The following THSD4 variants were observed in gnomAD, a reference collection of about 807,000 sequenced individuals.
THSD4 encodes the protein thrombospondin type-1 domain-containing protein 4.
In THSD4, 69 loss-of-function variants were observed where a neutral mutation model predicts 119.0. The ratio of observed to expected loss-of-function variants is 0.58; its 90% CI spans 0.48 to 0.71. The LOEUF is 0.71. THSD4 is among the 30% of genes least tolerant of loss of function. The pLI, the probability that THSD4 is intolerant of heterozygous loss-of-function variation, is 0.00. For missense variants in THSD4, 1,393 were observed against 1,391.1 expected (o/e 1.00, Z -0.02); for synonymous variants, 524 against 540.4 (o/e 0.97, Z 0.42).
chr15:71,591,663 G>A (rs2049808866), intron 7 of THSD4, among the ~76,000 whole-genome samples: 1 of 151,894 alleles, frequency 6.6e-6, no homozygotes, highest in African/African-American at 2.4e-5. Flanking sequence ...ATGAGGCCCA[G>A]TGTAACCTTC....
In THSD4 at chr15:71,327,959, G is replaced by A. The variant is rs368344438; in HGVS notation, c.1015+71244G>A. Among the ~76,000 whole-genome samples the A allele has an allele frequency of 1.2e-3, 182 of 152,316 alleles. 10 individuals carry two copies. The South Asian group carries it at 0.037, about 31-fold the overall frequency. On this transcript the variant is annotated intron_variant, in intron 6 of 17. Transcript: ENST00000261862. ...TGATTTTTCAATTAAACATACTGTA[G>A]CAATGATGGCCTCTTTTCCCACAAA...
At chr15:71,335,363 C>G (rs1361270524) in intron 6 of THSD4, among the ~76,000 whole-genome samples, 1 of 151,962 alleles carries the variant, frequency 6.6e-6, no homozygotes, top group Non-Finnish European at 1.5e-5. Flanking sequence ...AACCAAGTAC[C>G]CCCTAACCTC....
chr15:71,280,722 G>A (rs2044641588), intron 6 of THSD4, among the ~76,000 whole-genome samples: 1 of 151,716 alleles, frequency 6.6e-6, no homozygotes, highest in South Asian at 2.1e-4. Context: ...GCCCTGTTCT[G>A]TCTTTCATGG....
In THSD4 at chr15:71,604,828, CAAAAA is replaced by C. The variant is rs138151805; in HGVS notation, c.1153-55696_1153-55692del. On this transcript the variant is annotated intron_variant, in intron 7 of 17. Transcript: ENST00000261862. ...CCAAAAGTGAAAACAAAAACAAAAA[CAAAAA>C]AAAAACCTGTCAACATAGAATTCTA... 6.8e-5 allele frequency among the ~76,000 whole-genome samples: 10 copies of C among 146,070 alleles called. No individual in the cohort carries two copies. In the East Asian group the frequency reaches 1.6e-3, roughly 24 times the overall value.
chr15:71,599,938 T>A (rs2049975343), intron 7 of THSD4, among the ~76,000 whole-genome samples: 1 of 152,182 alleles, frequency 6.6e-6, no homozygotes, highest in Non-Finnish European at 1.5e-5. Flanking sequence ...ACACTTTGGC[T>A]CTCTGTTTGA....
Position 71,150,075 on chromosome 15 carries a change from C to T in THSD4, c.30-4788C>T, listed in dbSNP as rs142010624. ...AAGTCTTGGTAGGAATGTAGCTTCC[C>T]CCACGCCACTTGGAAAGGAGTGTGG... On this transcript the variant is annotated intron_variant, in intron 2 of 17. Transcript: ENST00000261862. Among the ~76,000 whole-genome samples, 790 of 152,096 alleles carry T rather than the reference C, an allele frequency of 5.2e-3. 8 individuals carry two copies. Among genetic ancestry groups the T allele is most frequent in the Non-Finnish European group, 8.6e-3 (583 of 67,990 alleles).
intron 8 of THSD4, among the ~76,000 whole-genome samples, chr15:71,678,900 G>A (rs949842300): frequency 6.6e-6 from 1 of 152,014 alleles, no homozygotes; most frequent in Admixed American, 6.6e-5. Flanking sequence ...TTATAGTCAC[G>A]CCTATATTTG....
At chr15:71,592,329 C>T (rs538264709) in intron 7 of THSD4, among the ~76,000 whole-genome samples, 13 of 152,296 alleles carry the variant, frequency 8.5e-5, no homozygotes, top group East Asian at 1.9e-4. Context: ...AGCTGCAGGA[C>T]GCAGTGGCAG....
Position 71,215,298 on chromosome 15 carries a change from G to C in THSD4, c.363G>C (p.Thr121=). The change falls in exon 4 of 18, where the codon ACG becomes ACC. Residue 121 remains threonine, a synonymous_variant. Transcript: ENST00000261862. ...CACTGCACCGGAGCCGCGACGAGAC[G>C]CCAGCGCTGGCCGGTACGGACGCCA... ...SVPLHRSRDE[T]PALAGTDASR... 6.6e-7 allele frequency: 1 copy of C among 1,524,268 alleles called. No individual in the cohort carries two copies. Among genetic ancestry groups the C allele is most frequent in the East Asian group, 2.5e-5 (1 of 39,446 alleles). 94.4% of individuals were successfully genotyped at this position (1,524,268 alleles called of 1,614,324 possible). A position where few individuals can be genotyped will look rare whatever the true frequency, so the allele number is the denominator to read the frequency against.
chr15:71,598,457 C>G (rs34988639), intron 7 of THSD4, among the ~76,000 whole-genome samples: 15 of 151,878 alleles, frequency 9.9e-5, no homozygotes, highest in African/African-American at 3.6e-4. Context: ...TGCTAGAGGA[C>G]TCATTGTAAA....
At chr15:71,431,834 A>C (rs1456919474) in intron 7 of THSD4, among the ~76,000 whole-genome samples, 1 of 152,220 alleles carries the variant, frequency 6.6e-6, no homozygotes, top group Non-Finnish European at 1.5e-5. Flanking sequence ...ATAGCCTATA[A>C]TTTATGTGAT....
chr15:71,316,372 A>T (rs1053584593), intron 6 of THSD4, among the ~76,000 whole-genome samples: 4 of 152,158 alleles, frequency 2.6e-5, no homozygotes, highest in African/African-American at 9.7e-5. Flanking sequence ...GGGTTACATT[A>T]AGACGATACT....
At chr15:71,411,137 G>C (rs762483377) in intron 6 of THSD4, among the ~76,000 whole-genome samples, 1 of 152,120 alleles carries the variant, frequency 6.6e-6, no homozygotes, top group Non-Finnish European at 1.5e-5. Context: ...TTGCACCAAC[G>C]TAATTAATTA....
At chr15:71,240,838 C>CACACACACACAT (rs374887677) in intron 4 of THSD4, among the ~76,000 whole-genome samples, 4 of 137,056 alleles carry the variant, frequency 2.9e-5, no homozygotes, top group Non-Finnish European at 4.7e-5. Context: ...CACACACACA[C>CACACACACACAT]ATATATACAT....
chr15:71,412,855 G>T (rs2046708308), intron 7 of THSD4, among the ~76,000 whole-genome samples: 1 of 152,106 alleles, frequency 6.6e-6, no homozygotes, highest in Non-Finnish European at 1.5e-5. Flanking sequence ...AGTACATAAT[G>T]GATGTATATA....
At chr15:71,729,458 C>G (rs1040984125) in intron 9 of THSD4, 1 of 152,144 alleles carries the variant, frequency 6.6e-6, no homozygotes, top group African/African-American at 2.4e-5. Flanking sequence ...TTATTTCTGT[C>G]CCCAAAGCTG....
upstream of THSD4, chr15:71,112,198 A>G (rs1038135026): frequency 5.6e-6 from 9 of 1,613,592 alleles, no homozygotes; most frequent in African/African-American, 1.2e-4. Flanking sequence ...AAATGGCTGA[A>G]TGTTCTGTGG....
intron 6 of THSD4, among the ~76,000 whole-genome samples, chr15:71,373,526 C>T (rs1034246721): frequency 3.3e-5 from 5 of 152,310 alleles, no homozygotes; most frequent in Admixed American, 3.3e-4. Context: ...ATCATTGAAA[C>T]ACATTGACAT....
At chr15:71,430,680 C>A (rs1252814049) in intron 7 of THSD4, among the ~76,000 whole-genome samples, 1 of 149,472 alleles carries the variant, frequency 6.7e-6, no homozygotes, top group African/African-American at 2.5e-5. Context: ...TCACTTGAAC[C>A]CGGGAGGTGG....
Sources: allele counts gnomAD v4.1 joint callset (sites outside exome capture counted in the v4.1 genomes callset), GRCh38; gene constraint gnomAD v4.1.1; transcripts MANE v1.5; gene names NCBI Gene and HGNC (gene_info 2026-07-23, HGNC 2026-07-21).